Variants in TNFAIP8 observed in about 807,000 individuals in gnomAD.
TNFAIP8 encodes the protein TNF alpha induced protein 8, also known as tumor necrosis factor alpha-induced protein 8.
A neutral mutation model predicts 13.3 loss-of-function variants in TNFAIP8; 7 were observed. That is an observed-to-expected ratio of 0.52 (90% CI 0.30 to 0.99). The LOEUF is 0.99. Ranked by LOEUF, TNFAIP8 falls within the 50% of genes least tolerant of loss-of-function variation. TNFAIP8 has a pLI of 0.07. For synonymous variants in TNFAIP8, 94 were observed against 87.6 expected (o/e 1.07, Z -0.41); for missense variants, 258 against 236.9 (o/e 1.09, Z -0.58).
intron 1 of TNFAIP8, among the ~76,000 whole-genome samples, chr5:119,317,845 G>A (rs1240833457): frequency 6.6e-6 from 1 of 151,996 alleles, no homozygotes; most frequent in African/African-American, 2.4e-5. Flanking sequence ...TAATCTGCCC[G>A]CCTTGGCTCC....
intron 1 of TNFAIP8, among the ~76,000 whole-genome samples, chr5:119,348,775 G>A (rs924042726): frequency 2.7e-5 from 4 of 150,702 alleles, no homozygotes; most frequent in Admixed American, 2.7e-4. Flanking sequence ...AGCTACTCGG[G>A]AGATTGAGGC....
chr5:119,326,281 A>G (rs1393826029), intron 1 of TNFAIP8, among the ~76,000 whole-genome samples: 1 of 152,186 alleles, frequency 6.6e-6, no homozygotes, highest in Non-Finnish European at 1.5e-5. Flanking sequence ...AAAATGTGGG[A>G]AATGCTGTAA....
chr5:119,363,250 G>A (rs1010846560), intron 1 of TNFAIP8, among the ~76,000 whole-genome samples: 4 of 152,332 alleles, frequency 2.6e-5, no homozygotes, highest in East Asian at 1.9e-4. Context: ...TTGGGCCTCA[G>A]CTAAAACCAG....
At chr5:119,377,713 C>T (rs1387519345) in intron 1 of TNFAIP8, among the ~76,000 whole-genome samples, 1 of 152,108 alleles carries the variant, frequency 6.6e-6, no homozygotes, top group African/African-American at 2.4e-5. Flanking sequence ...CTTGCAAACC[C>T]CTCGTTAGAA....
At chr5:119,321,927 C>T (rs746847440) in intron 1 of TNFAIP8, among the ~76,000 whole-genome samples, 18 of 152,150 alleles carry the variant, frequency 1.2e-4, no homozygotes, top group South Asian at 4.1e-4. Flanking sequence ...CTAATTTCCT[C>T]CCACTCCCTC....
intron 1 of TNFAIP8, among the ~76,000 whole-genome samples, chr5:119,320,201 G>A (rs895753592): frequency 4.6e-5 from 7 of 152,058 alleles, no homozygotes; most frequent in Non-Finnish European, 7.4e-5. Flanking sequence ...TACATCTCCC[G>A]GAAAATGAAA....
At chr5:119,333,113 TTTTC>T in intron 1 of TNFAIP8, 1 of 867,360 alleles carries the variant, frequency 1.2e-6, no homozygotes, top group Non-Finnish European at 1.4e-6. Flanking sequence ...GTTTTTTTTT[TTTTC>T]TAAGTATCTG....
intron 1 of TNFAIP8, among the ~76,000 whole-genome samples, chr5:119,299,962 A>G (rs1457215287): frequency 6.6e-6 from 1 of 152,226 alleles, no homozygotes; most frequent in African/African-American, 2.4e-5. Flanking sequence ...GCCCGTCGGA[A>G]AAGCGCAGTA....
intron 1 of TNFAIP8, among the ~76,000 whole-genome samples, chr5:119,306,088 CAG>C (rs2112660891): frequency 6.6e-6 from 1 of 152,300 alleles, no homozygotes; most frequent in South Asian, 2.1e-4. Context: ...TTCCAGAAAA[CAG>C]GACTTCCTAT....
intron 1 of TNFAIP8, among the ~76,000 whole-genome samples, chr5:119,313,200 C>G (rs572464806): frequency 2.0e-4 from 31 of 152,300 alleles, no homozygotes; most frequent in African/African-American, 6.7e-4. Flanking sequence ...ATAATTAGTT[C>G]AAAGCCAAGA....
intron 1 of TNFAIP8, among the ~76,000 whole-genome samples, chr5:119,289,638 A>G (rs888769): frequency 0.68 from 103,011 of 152,062 alleles, 35,546 homozygotes; most frequent in East Asian, 0.93. Flanking sequence ...AATCCTGTAC[A>G]TGGCTGCTGT....
intron 1 of TNFAIP8, among the ~76,000 whole-genome samples, chr5:119,314,170 AAAACAAAC>A (rs3055625): frequency 0.045 from 6,728 of 150,994 alleles, 251 homozygotes; most frequent in African/African-American, 0.099. Flanking sequence ...GCTGTCTCTA[AAAACAAAC>A]AAACAAACAA....
In TNFAIP8 at chr5:119,391,121, A is replaced by G. The variant is rs549114240; in HGVS notation, c.32-1695A>G. On this transcript the variant is annotated intron_variant, in intron 1 of 1. Transcript: ENST00000504771. ...TGTGCTGGGATTTCAAGTGTGAGCC[A>G]CCACACCCCGCCTTTCCCCAATTTT... 3.3e-5 allele frequency among the ~76,000 whole-genome samples: 5 copies of G among 151,846 alleles called. No individual in the cohort carries two copies. The South Asian group carries it at 1.0e-3, about 32-fold the overall frequency.
At chr5:119,338,994 C>G (rs1750648270) in intron 1 of TNFAIP8, among the ~76,000 whole-genome samples, 1 of 151,984 alleles carries the variant, frequency 6.6e-6, no homozygotes, top group Admixed American at 6.6e-5. Flanking sequence ...CTGCATTGAG[C>G]TATGATTGTG....
At chr5:119,357,208 TAGTC>T (rs1751463456) in intron 1 of TNFAIP8, among the ~76,000 whole-genome samples, 1 of 152,206 alleles carries the variant, frequency 6.6e-6, no homozygotes, top group African/African-American at 2.4e-5. Flanking sequence ...GTGAGGGAAA[TAGTC>T]AATAAAAAGG....
rs375992172 is a variant in TNFAIP8 at position 119,346,231 on chromosome 5, C to T, written c.2-46585C>T. Among the ~76,000 whole-genome samples, 4 of 152,132 alleles carry T rather than the reference C, an allele frequency of 2.6e-5. No individual in the cohort carries two copies. The South Asian group carries it at 6.2e-4, about 24-fold the overall frequency. On this transcript the variant is annotated intron_variant, in intron 1 of 1. Coordinates refer to the TNFAIP8 transcript ENST00000274456. The stretch of plus-strand genomic sequence containing the variant: ...GGATGCATTCTGCTGCAAAATCAAC[C>T]GAGAGGGATGCCAGTGGAAGCTGCT...
intron 1 of TNFAIP8, chr5:119,391,385 A>G (rs750236841): frequency 4.1e-5 from 29 of 702,294 alleles, no homozygotes; most frequent in Middle Eastern, 2.3e-4. Context: ...AAACACTGGC[A>G]TATATGGAGA....
intron 1 of TNFAIP8, among the ~76,000 whole-genome samples, chr5:119,290,158 G>A (rs1451807820): frequency 2.3e-5 from 3 of 127,720 alleles, no homozygotes; most frequent in African/African-American, 3.5e-5. Flanking sequence ...CATAAGTGAA[G>A]TGTAGTAGTT....
At chr5:119,295,236 TAGGTC>T in intron 1 of TNFAIP8, among the ~76,000 whole-genome samples, 1 of 115,100 alleles carries the variant, frequency 8.7e-6, no homozygotes, top group Non-Finnish European at 1.7e-5. Flanking sequence ...GTTAGACCTA[TAGGTC>T]TAACGTTTAG....
Sources: gnomAD v4.1 joint callset for allele counts (sites outside exome capture counted in the v4.1 genomes callset) on GRCh38, gnomAD v4.1.1 for gene constraint, MANE v1.5 for transcripts, NCBI Gene and HGNC (gene_info 2026-07-23, HGNC 2026-07-21) for gene names.